EXOSC10: variants seen among roughly 807,000 people sequenced by gnomAD.
The protein encoded by EXOSC10 is exosome component 10, also known as exosome complex component 10.
EXOSC10 carries 94 observed loss-of-function variants against 126.6 expected under a neutral mutation model. The ratio of observed to expected loss-of-function variants is 0.74; its 90% CI spans 0.63 to 0.88. The LOEUF (loss-of-function observed/expected upper bound fraction) is 0.88, where lower values mean the gene tolerates loss of function less well. Among genes scored for constraint, EXOSC10 ranks in the 40% least tolerant of loss-of-function variants. The pLI is 0.00. For missense variants in EXOSC10, 1,041 were observed against 1,100.5 expected (o/e 0.95, Z 0.77); for synonymous variants, 395 against 400.8 (o/e 0.99, Z 0.17).
intron 9 of EXOSC10, among the ~76,000 whole-genome samples, 159 bp from the exon 10 acceptor site, chr1:11,083,037 G>A (rs569703013): frequency 5.9e-5 from 9 of 152,214 alleles, no homozygotes; most frequent in Non-Finnish European, 1.2e-4. Context: ...TGCAACTTCC[G>A]CCTCCCATGC....
intron 2 of EXOSC10, among the ~76,000 whole-genome samples, chr1:11,096,298 A>G (rs1641082041): frequency 6.6e-6 from 1 of 151,798 alleles, no homozygotes; most frequent in Admixed American, 6.6e-5. Flanking sequence ...TTATGGGCAC[A>G]CGCCACCAGG....
Position 11,098,104 on chromosome 1 carries a change from T to G in EXOSC10, c.164A>C (p.Gln55Pro). ...AVTKASGGLP[Q>P]FGDEYDFYRS... The stretch of plus-strand genomic sequence containing the variant: ...GTAAAAATCATACTCATCGCCAAAC[T>G]GTGGTAGGCCCCCAGATGCCTTGGT... Residue 55 changes from glutamine (Q) to proline (P), a missense_variant, in exon 2 of 25, where the codon CAG (glutamine) becomes CCG (proline). Gln to Pro is a moderately conservative substitution (Grantham distance 76). Transcript: ENST00000376936. 2 of 1,613,252 alleles carry G rather than the reference T, an allele frequency of 1.2e-6. No individual in the cohort carries two copies. Among genetic ancestry groups the G allele is most frequent in the Admixed American group, 3.3e-5 (2 of 59,794 alleles).
rs769413193 is a variant in EXOSC10 at position 11,087,894 on chromosome 1, T to C, written c.851A>G (p.Glu284Gly). 8.7e-6 allele frequency: 14 copies of C among 1,606,468 alleles called. No homozygotes were observed. Among genetic ancestry groups the C allele is most frequent in the Non-Finnish European group, 1.2e-5 (14 of 1,173,586 alleles). ...KPQPQLYRPIEETPCHFISSL... is the reference protein window; with the variant it reads ...KPQPQLYRPIGETPCHFISSL... ...GGATATGAAATGGCATGGTGTCTCT[T>C]CTATAGGTCTGTATAACTGGATCAA... Residue 284 changes from glutamate to glycine, a missense_variant, in exon 8 of 25, where the codon GAA (glutamate) becomes GGA (glycine). Transcript: ENST00000376936.
In EXOSC10 at chr1:11,087,409, T is replaced by C. The variant is rs764960963; in HGVS notation, c.1089+39A>G. ...ACACTGAAAAGCACTAAAAATCTTG[T>C]ATGAGCTCACATGCATGAGTTACAA... On this transcript the variant is annotated intron_variant, in intron 9 of 24. Coordinates refer to ENST00000376936, the MANE Select transcript of EXOSC10 (RefSeq NM_001001998.3). The C allele has an allele frequency of 7.4e-6, 12 of 1,612,044 alleles. No homozygotes were observed. In the South Asian group the frequency reaches 1.2e-4, roughly 16 times the overall value.
chr1:11,074,340 C>T lies in EXOSC10; in HGVS notation c.1987-14G>A, dbSNP rs200162868. On this transcript the variant is annotated splice_polypyrimidine_tract_variant and intron_variant, in intron 17 of 24. Coordinates refer to ENST00000376936, the MANE Select transcript of EXOSC10 (RefSeq NM_001001998.3). ...AGCACTAGGTTCCTGCAGGGACAGACAAAAAACGATCACTAATGACCATGA... is the reference window on the plus strand; with the variant it reads ...AGCACTAGGTTCCTGCAGGGACAGATAAAAAACGATCACTAATGACCATGA... The T allele has an allele frequency of 3.2e-6, 5 of 1,575,054 alleles. No individual in the cohort carries two copies. The African/African-American group carries it at 4.1e-5, about 13-fold the overall frequency.
In EXOSC10 at chr1:11,087,536, C is replaced by T. The variant is rs1640562500; in HGVS notation, c.1001G>A (p.Arg334Gln). 6.2e-7 allele frequency: 1 copy of T among 1,613,896 alleles called. No homozygotes were observed. Among genetic ancestry groups the T allele is most frequent in the Non-Finnish European group, 8.5e-7 (1 of 1,180,014 alleles). Reference sequence around the variant, plus strand: ...GGTGTCAATGATGAAGTCTTCCGTCCGAGTAGAAATTTGCATCAGGCAGGT... The same window carrying T: ...GGTGTCAATGATGAAGTCTTCCGTCTGAGTAGAAATTTGCATCAGGCAGGT... ...GLTCLMQIST[R>Q]TEDFIIDTLE... is the part of the protein sequence containing the mutation. The change falls in exon 9 of 25, where the codon CGG (arginine) becomes CAG (glutamine). Residue 334 changes from arginine (R) to glutamine (Q), a missense_variant. By Grantham distance (43) the Arg-to-Gln change is conservative. Coordinates refer to ENST00000376936, the MANE Select transcript of EXOSC10 (RefSeq NM_001001998.3).
At chr1:11,077,835 T>C (rs1321927851) in intron 14 of EXOSC10, among the ~76,000 whole-genome samples, 184 bp from the exon 15 acceptor site, 1 of 152,194 alleles carries the variant, frequency 6.6e-6, no homozygotes, top group Non-Finnish European at 1.5e-5. Context: ...TAATTATTTG[T>C]AGAATGAAAG....
In EXOSC10 at chr1:11,075,492, C is replaced by T. The variant is rs527585679; in HGVS notation, c.1987-1166G>A. On this transcript the variant is annotated intron_variant, in intron 17 of 24. Coordinates refer to ENST00000376936, the MANE Select transcript of EXOSC10 (RefSeq NM_001001998.3). ...CCTCCTTTACACCAAACAGCACTTC[C>T]GTATCAAAGCAGCCCAGAGCTCATG... Among the ~76,000 whole-genome samples the T allele has an allele frequency of 5.3e-4, 80 of 152,280 alleles. 1 individual carries two copies. The highest frequency in any genetic ancestry group is 9.8e-4 in the Admixed American group (15 of 15,288).
Position 11,074,318 on chromosome 1 carries a change from A to C in EXOSC10, c.1995T>G (p.Ser665Arg). The C allele has an allele frequency of 6.2e-7, 1 of 1,613,718 alleles. No individual in the cohort carries two copies. The highest frequency in any genetic ancestry group is 2.2e-5 in the East Asian group (1 of 44,882). Residue 665 changes from serine to arginine, a missense_variant, in exon 18 of 25, where the codon AGT becomes AGG. This residue lies in a region of EXOSC10 where 388 missense variants were observed against 415.2 expected (regional missense o/e 0.93). Transcript: ENST00000376936. ...TAVITLFNEP[S>R]AEDSKKGPLT... ...ATGGACCCTTTTTACTGTCTTCAGC[A>C]CTAGGTTCCTGCAGGGACAGACAAA...
Position 11,074,309 on chromosome 1 carries a change from G to C in EXOSC10, c.2004C>G (p.Asp668Glu), listed in dbSNP as rs768902618. ...CAACTGTCAATGGACCCTTTTTACT[G>C]TCTTCAGCACTAGGTTCCTGCAGGG... The part of the protein sequence containing the change: ...ITLFNEPSAE[D>E]SKKGPLTVAQ... The change falls in exon 18 of 25, where the codon GAC becomes GAG. Residue 668 changes from aspartate (D) to glutamate (E), a missense_variant. Coordinates refer to ENST00000376936, the MANE Select transcript of EXOSC10 (RefSeq NM_001001998.3). 1.8e-5 allele frequency: 29 copies of C among 1,613,832 alleles called. No individual in the cohort carries two copies. Among genetic ancestry groups the C allele is most frequent in the Non-Finnish European group, 2.4e-5 (28 of 1,179,820 alleles).
At chr1:11,095,988 CTTT>C (rs374028571) in intron 2 of EXOSC10, 107 bp from the exon 3 acceptor site, 1,774 of 889,576 alleles carry the variant, frequency 2.0e-3, no homozygotes, top group South Asian at 2.7e-3. Flanking sequence ...CCCAACACAT[CTTT>C]TTTTTTTTTT....
At position 11,070,917 on chromosome 1, in the gene EXOSC10, C is replaced by T. The variant is rs146064535; in HGVS notation, c.2299G>A (p.Val767Ile). Reference protein sequence around the residue: ...CKAAAEQAISVRQQVVLENAA... With the variant: ...CKAAAEQAISIRQQVVLENAA... Reference sequence around the variant, plus strand: ...GCACATACCACGACCTGCTGTCGGACGGAGATGGCCTGTTCTGCTGCAGCT... The same window carrying T: ...GCACATACCACGACCTGCTGTCGGATGGAGATGGCCTGTTCTGCTGCAGCT... The change falls in exon 21 of 25, where the codon GTC (valine) becomes ATC (isoleucine). Residue 767 changes from valine to isoleucine, a missense_variant. Around this residue, in one of 3 missense-constraint regions of EXOSC10, gnomAD observed 388 missense variants for 415.2 expected, o/e 0.93. Transcript: ENST00000376936. 8.7e-5 allele frequency: 140 copies of T among 1,614,092 alleles called. No homozygotes were observed. In the African/African-American group the frequency reaches 1.5e-3, roughly 17 times the overall value.
chr1:11,095,944 G>A (rs1641059150), intron 2 of EXOSC10, 63 bp from the exon 3 acceptor site: 1 of 1,560,376 alleles, frequency 6.4e-7, no homozygotes, highest in Non-Finnish European at 8.8e-7. Context: ...CATTCTGTGA[G>A]AGAGAATGTT....
rs368146460 is a variant in EXOSC10 at position 11,076,856 on chromosome 1, T to C, written c.1972A>G (p.Ile658Val). ...GTTCLIATAV[I>V]TLFNEPSAED... ...GTGCTACTCACATTAAATAACGTGA[T>C]GACAGCTGTGGCAATCAGGCATGTG... The change falls in exon 17 of 25, where the codon ATC (isoleucine) becomes GTC (valine). Residue 658 changes from isoleucine (I) to valine (V), a missense_variant. Around this residue, in one of 3 missense-constraint regions of EXOSC10, gnomAD observed 388 missense variants for 415.2 expected, o/e 0.93. Coordinates refer to ENST00000376936, the MANE Select transcript of EXOSC10 (RefSeq NM_001001998.3). 59 of 1,612,816 alleles carry C rather than the reference T, an allele frequency of 3.7e-5. No homozygotes were observed. The highest frequency in any genetic ancestry group is 4.9e-5 in the Non-Finnish European group (58 of 1,179,620).
chr1:11,075,121 C>T (rs1162985016), intron 17 of EXOSC10, among the ~76,000 whole-genome samples: 1 of 152,128 alleles, frequency 6.6e-6, no homozygotes, highest in African/African-American at 2.4e-5. Context: ...CAACCTCCGC[C>T]TCCTGGATTC....
intron 9 of EXOSC10, among the ~76,000 whole-genome samples, chr1:11,083,772 C>A (rs1438745784): frequency 6.6e-6 from 1 of 152,058 alleles, no homozygotes; most frequent in Non-Finnish European, 1.5e-5. Context: ...TGCTATCCCT[C>A]CCCCCTTTCC....
chr1:11,077,673 A>C, intron 14 of EXOSC10, 22 bp from the exon 15 acceptor site: 1 of 1,598,502 alleles, frequency 6.3e-7, no homozygotes, highest in Non-Finnish European at 8.6e-7. Context: ...AACGAAGGGA[A>C]TTGAGGAAAG....
intron 9 of EXOSC10, 40 bp from the exon 10 acceptor site, chr1:11,082,918 G>A: frequency 2.0e-6 from 3 of 1,505,238 alleles, no homozygotes; most frequent in South Asian, 2.3e-5. Context: ...ACTGGTAGCA[G>A]GCCACTCATG....
chr1:11,089,255 C>CCTA (rs1308085474), intron 6 of EXOSC10, among the ~76,000 whole-genome samples: 1 of 148,620 alleles, frequency 6.7e-6, no homozygotes, highest in Non-Finnish European at 1.5e-5. Context: ...GTGAGCCTTA[C>CCTA]CTACTATTTG....
Sources: allele counts gnomAD v4.1 joint callset (sites outside exome capture counted in the v4.1 genomes callset), GRCh38; gene constraint gnomAD v4.1.1; regional missense constraint gnomAD v4.1.1; transcripts MANE v1.5; gene names NCBI Gene and HGNC (gene_info 2026-07-23, HGNC 2026-07-21).